Variants in WDR72 observed in about 807,000 individuals in gnomAD.
WDR72 encodes WD repeat-containing protein 72.
WDR72 carries 120 observed loss-of-function variants against 124.2 expected under a neutral mutation model. That is an observed-to-expected ratio of 0.97 (90% confidence interval 0.83 to 1.12). WDR72 has a LOEUF of 1.12. Among genes scored for constraint, WDR72 ranks in the 50% most tolerant of loss-of-function variants. The pLI, the probability that WDR72 is intolerant of heterozygous loss-of-function variation, is 0.00. For synonymous variants in WDR72, 452 were observed against 441.7 expected (o/e 1.02, Z -0.29); for missense variants, 1,387 against 1,278.8 (o/e 1.08, Z -1.29).
intron 18 of WDR72, among the ~76,000 whole-genome samples, chr15:53,542,482 T>C (rs1448463234): frequency 8.7e-5 from 2 of 23,020 alleles, no homozygotes; most frequent in Non-Finnish European, 1.6e-4. Flanking sequence ...CTAAAAGAGC[T>C]CCTGAAGGAA....
intron 7 of WDR72, among the ~76,000 whole-genome samples, chr15:53,711,971 A>C (rs1446935125): frequency 6.6e-6 from 1 of 152,212 alleles, no homozygotes; most frequent in East Asian, 1.9e-4. Flanking sequence ...ATGGCAACTT[A>C]GCTTTTCTTT....
At chr15:53,534,108 G>A (rs945854410) in intron 18 of WDR72, among the ~76,000 whole-genome samples, 2 of 152,106 alleles carry the variant, frequency 1.3e-5, no homozygotes, top group Admixed American at 6.6e-5. Flanking sequence ...AAAAATCAGA[G>A]GCCTGACCCA....
chr15:53,563,289 A>T (rs1219567003), intron 18 of WDR72, among the ~76,000 whole-genome samples: 1 of 151,812 alleles, frequency 6.6e-6, no homozygotes, highest in Non-Finnish European at 1.5e-5. Context: ...ATTGGAAATT[A>T]GGTATATAAT....
chr15:53,696,831 G>A (rs1014657111), intron 13 of WDR72, among the ~76,000 whole-genome samples: 2 of 152,170 alleles, frequency 1.3e-5, no homozygotes, highest in African/African-American at 2.4e-5. Flanking sequence ...CGAGAATAAA[G>A]GAACAGCATA....
chr15:53,544,485 T>C, intron 18 of WDR72, among the ~76,000 whole-genome samples: 1 of 137,874 alleles, frequency 7.3e-6, no homozygotes, highest in Non-Finnish European at 1.5e-5. Context: ...AAACTCTCAA[T>C]AAATTAGGTA....
At chr15:53,700,655 C>A (rs1172087114) in intron 12 of WDR72, among the ~76,000 whole-genome samples, 1 of 152,076 alleles carries the variant, frequency 6.6e-6, no homozygotes, top group Non-Finnish European at 1.5e-5. Context: ...AGTTTGGAGA[C>A]CTTGAGACAC....
chr15:53,554,990 T>C (rs74017439), intron 18 of WDR72, among the ~76,000 whole-genome samples: 2,562 of 152,146 alleles, frequency 0.017, 89 homozygotes, highest in African/African-American at 0.06. Context: ...GAGAGATGCA[T>C]ACAATTGGCT....
rs778000119 is a variant in WDR72 at position 53,523,235 on chromosome 15, T to A, written c.3236A>T (p.Glu1079Val). The A allele has an allele frequency of 3.2e-5, 51 of 1,612,930 alleles. No homozygotes were observed. Among genetic ancestry groups the A allele is most frequent in the Non-Finnish European group, 4.3e-5 (51 of 1,179,316 alleles). ...GCTTTCACCTGGACTCTCAGACTCT[T>A]CCAAGGCACATCTGTCAGGCATGTC... The part of the protein sequence containing the change: ...VEDMPDRCAL[E>V]ESESPGEPRH... Residue 1079 changes from glutamate (E) to valine (V), a missense_variant, in exon 19 of 20, where the codon GAA (glutamate) becomes GTA (valine). Glu to Val is a moderately radical substitution (Grantham distance 121, BLOSUM62 -2). Transcript: ENST00000360509.
chr15:53,635,628 G>T lies in WDR72; in HGVS notation c.1963-19385C>A, dbSNP rs541941600. Among the ~76,000 whole-genome samples, 77 of 152,166 alleles carry T rather than the reference G, an allele frequency of 5.1e-4. 1 individual carries two copies. Among genetic ancestry groups the T allele is most frequent in the African/African-American group, 1.8e-3 (73 of 41,502 alleles). On this transcript the variant is annotated intron_variant, in intron 14 of 19. Transcript: ENST00000360509. ...ACCACATGTCCTCACTTATAAGAGG[G>T]AGCTAAACACTGAGCACTCGTGGAC...
At chr15:53,541,499 C>T (rs1893133058) in intron 18 of WDR72, among the ~76,000 whole-genome samples, 2 of 150,844 alleles carry the variant, frequency 1.3e-5, no homozygotes, top group Admixed American at 6.6e-5. Context: ...CTGTACCTCA[C>T]CATCATCAAA....
chr15:53,740,514 T>C (rs1347335648), intron 1 of WDR72, among the ~76,000 whole-genome samples: 1 of 152,112 alleles, frequency 6.6e-6, no homozygotes, highest in African/African-American at 2.4e-5. Context: ...TTCACCGTGG[T>C]CTCAATCTCC....
At chr15:53,761,109 G>A (rs1160211722), upstream of WDR72, among the ~76,000 whole-genome samples, 1 of 152,180 alleles carries the variant, frequency 6.6e-6, no homozygotes, top group Non-Finnish European at 1.5e-5. Flanking sequence ...GGGTGTCAGA[G>A]TGGGACTCCA....
intron 13 of WDR72, among the ~76,000 whole-genome samples, chr15:53,691,709 C>G (rs1400529458): frequency 6.6e-6 from 1 of 152,042 alleles, no homozygotes; most frequent in Non-Finnish European, 1.5e-5. Context: ...ATTCCACATA[C>G]AGTAACTTCA....
intron 14 of WDR72, among the ~76,000 whole-genome samples, chr15:53,631,914 G>T (rs2014444611): frequency 6.6e-6 from 1 of 152,132 alleles, no homozygotes; most frequent in African/African-American, 2.4e-5. Context: ...ACCTGAAATT[G>T]GAACTTATAT....
chr15:53,630,496 TA>T, intron 14 of WDR72, among the ~76,000 whole-genome samples: 1 of 152,216 alleles, frequency 6.6e-6, no homozygotes, highest in East Asian at 1.9e-4. Flanking sequence ...TACCAAAACC[TA>T]AAAATAATTT....
chr15:53,750,120 A>C (rs2018739537), intron 1 of WDR72, among the ~76,000 whole-genome samples: 1 of 152,198 alleles, frequency 6.6e-6, no homozygotes, highest in Non-Finnish European at 1.5e-5. Context: ...TATTGGAAGA[A>C]GATGCCATCT....
chr15:53,622,416 T>C (rs1207409139), intron 14 of WDR72, among the ~76,000 whole-genome samples: 1 of 151,718 alleles, frequency 6.6e-6, no homozygotes, highest in South Asian at 2.1e-4. Context: ...GAGAAAGTGG[T>C]ACATATATAC....
In WDR72 at chr15:53,705,136, A is replaced by T. The variant is rs1464881434; in HGVS notation, c.1200T>A (p.Asp400Glu). 1.2e-6 allele frequency: 2 copies of T among 1,614,026 alleles called. No individual in the cohort carries two copies. Among genetic ancestry groups the T allele is most frequent in the Non-Finnish European group, 1.7e-6 (2 of 1,180,034 alleles). Residue 400 changes from aspartate to glutamate, a missense_variant, in exon 11 of 20, where the codon GAT becomes GAA. Asp to Glu is a conservative substitution (Grantham distance 45, BLOSUM62 2). Coordinates refer to ENST00000360509, the MANE Select transcript of WDR72 (RefSeq NM_182758.4). ...AAGTGACTACAGCAGTTCCTGCCCC[A>T]TCTTTAAGCCCAGAGAAATAGTCAA... ...SIIDYFSGLK[D>E]GAGTAVVTSS...
chr15:53,665,131 G>C (rs191444752), intron 14 of WDR72, among the ~76,000 whole-genome samples: 5 of 152,130 alleles, frequency 3.3e-5, no homozygotes, highest in East Asian at 1.9e-4. Context: ...GAATCCTAGA[G>C]AGTTAGTGAT....
Sources: allele counts gnomAD v4.1 joint callset (sites outside exome capture counted in the v4.1 genomes callset), GRCh38; gene constraint gnomAD v4.1.1; transcripts MANE v1.5; gene names NCBI Gene and HGNC (gene_info 2026-07-23, HGNC 2026-07-21).